SPAG9: variants seen among roughly 807,000 people sequenced by gnomAD.
SPAG9 encodes sperm associated antigen 9.
A neutral mutation model predicts 166.5 loss-of-function variants in SPAG9; 35 were observed. That is an observed-to-expected ratio of 0.21 (90% CI 0.16 to 0.28). SPAG9 has a LOEUF of 0.28. Ranked by LOEUF, SPAG9 falls within the 10% of genes least tolerant of loss-of-function variation. SPAG9 has a pLI of 1.00. For synonymous variants in SPAG9, 534 were observed against 565.5 expected, an observed-to-expected ratio of 0.94 and a Z score of 0.79; for missense variants, 1,235 against 1,603.3, an observed-to-expected ratio of 0.77 and a Z score of 3.92.
chr17:51,116,134 C>A (rs1452706984), intron 1 of SPAG9, among the ~76,000 whole-genome samples: 2 of 152,092 alleles, frequency 1.3e-5, no homozygotes, highest in East Asian at 3.9e-4. Context: ...CAACCTCCAT[C>A]TCCCGGGTTC....
At chr17:50,970,194 C>T in intron 29 of SPAG9, among the ~76,000 whole-genome samples, 1 of 152,154 alleles carries the variant, frequency 6.6e-6, no homozygotes, top group East Asian at 1.9e-4. Flanking sequence ...TTCTAATGCT[C>T]CTTTCAAACA....
At chr17:51,107,477 G>A (rs988738745) in intron 1 of SPAG9, among the ~76,000 whole-genome samples, 10 of 151,820 alleles carry the variant, frequency 6.6e-5, no homozygotes, top group East Asian at 1.9e-4. Flanking sequence ...GGTGGCTCAC[G>A]CCTGTAATCC....
chr17:51,103,576 C>T (rs2048862543), intron 1 of SPAG9, among the ~76,000 whole-genome samples: 1 of 152,126 alleles, frequency 6.6e-6, no homozygotes, highest in Non-Finnish European at 1.5e-5. Context: ...AAGATTGGGG[C>T]AGCCAGATCA....
At chr17:51,103,535 T>A (rs2048861545) in intron 1 of SPAG9, among the ~76,000 whole-genome samples, 1 of 152,330 alleles carries the variant, frequency 6.6e-6, no homozygotes, top group East Asian at 1.9e-4. Flanking sequence ...AAATGTTCAC[T>A]GTGGCTCAAA....
chr17:50,983,638 T>C (rs927821360), intron 24 of SPAG9, among the ~76,000 whole-genome samples: 1 of 152,212 alleles, frequency 6.6e-6, no homozygotes, highest in Non-Finnish European at 1.5e-5. Flanking sequence ...TAAATGCATT[T>C]TACTTGTCTT....
intron 8 of SPAG9, among the ~76,000 whole-genome samples, chr17:51,014,922 G>A (rs1379198313): frequency 1.3e-5 from 2 of 151,888 alleles, no homozygotes; most frequent in Non-Finnish European, 2.9e-5. Context: ...GGGTGTATAG[G>A]GGAATGGGGA....
intron 6 of SPAG9, among the ~76,000 whole-genome samples, chr17:51,030,653 C>T (rs796199389): frequency 7.2e-5 from 11 of 152,208 alleles, no homozygotes; most frequent in African/African-American, 2.6e-4. Context: ...CACTAAAAAC[C>T]TTAACTCTAG....
At chr17:51,084,621 ATGG>A (rs1274203913) in intron 1 of SPAG9, among the ~76,000 whole-genome samples, 1 of 151,992 alleles carries the variant, frequency 6.6e-6, no homozygotes. Flanking sequence ...GTTGGCCAGG[ATGG>A]TCTCGAACTC....
chr17:51,004,224 G>A (rs2045095067), intron 12 of SPAG9, among the ~76,000 whole-genome samples: 1 of 152,156 alleles, frequency 6.6e-6, no homozygotes, highest in South Asian at 2.1e-4. Context: ...GAGGAACACA[G>A]AATAGTTCAA....
chr17:51,077,887 G>A (rs898655182), intron 2 of SPAG9, among the ~76,000 whole-genome samples: 2 of 151,940 alleles, frequency 1.3e-5, no homozygotes, highest in African/African-American at 4.8e-5. Flanking sequence ...CTGAGTTCAA[G>A]CAATCTGCAC....
intron 2 of SPAG9, among the ~76,000 whole-genome samples, chr17:51,075,739 A>G (rs2047951617): frequency 6.6e-6 from 1 of 151,860 alleles, no homozygotes; most frequent in African/African-American, 2.4e-5. Flanking sequence ...TGGGAGGATC[A>G]CTTGAGCCTG....
chr17:51,112,414 T>TAGCTAGGCGCA (rs1568099442), intron 1 of SPAG9, among the ~76,000 whole-genome samples: 1 of 148,148 alleles, frequency 6.8e-6, no homozygotes, highest in Non-Finnish European at 1.5e-5. Context: ...GGCTCACACC[T>TAGCTAGGCGCA]GTAATCCTAG....
chr17:51,037,728 A>AT (rs1010050434), intron 5 of SPAG9, among the ~76,000 whole-genome samples: 4 of 129,032 alleles, frequency 3.1e-5, no homozygotes, highest in African/African-American at 1.1e-4. Flanking sequence ...GTGTATAAAC[A>AT]TTTTTTTAAA....
In SPAG9 at chr17:50,990,436, G is replaced by A. The variant is rs1480073426; in HGVS notation, c.2617+14C>T. On this transcript the variant is annotated intron_variant, in intron 20 of 29. Coordinates refer to ENST00000262013, the MANE Select transcript of SPAG9 (RefSeq NM_001130528.3). ...AGACTCTATACAGATGGCAGGTAAA[G>A]AGAATGGATATACCTGGTGGTTTAT... 4 of 1,587,990 alleles carry A rather than the reference G, an allele frequency of 2.5e-6. No individual in the cohort carries two copies. Among genetic ancestry groups the A allele is most frequent in the Non-Finnish European group, 3.5e-6 (4 of 1,156,268 alleles).
At chr17:50,990,371 T>G in intron 20 of SPAG9, 79 bp downstream of exon 20, 1 of 1,073,130 alleles carries the variant, frequency 9.3e-7, no homozygotes, top group Non-Finnish European at 1.4e-6. Flanking sequence ...TTACTTAAGA[T>G]CTAAATTAAG....
chr17:50,982,787 C>T (rs1038729507), intron 24 of SPAG9, 115 bp from the exon 25 acceptor site: 2 of 926,124 alleles, frequency 2.2e-6, no homozygotes, highest in African/African-American at 1.7e-5. Context: ...CTCAAAGTAC[C>T]ATGTACTAAG....
chr17:51,059,143 A>AATAC (rs1487089401), intron 2 of SPAG9, among the ~76,000 whole-genome samples: 2 of 152,196 alleles, frequency 1.3e-5, no homozygotes, highest in African/African-American at 2.4e-5. Context: ...GAAACAAAAG[A>AATAC]ATACAAAATT....
chr17:51,052,969 G>GA (rs922145883), intron 3 of SPAG9, among the ~76,000 whole-genome samples: 4 of 151,932 alleles, frequency 2.6e-5, no homozygotes, highest in African/African-American at 9.7e-5. Context: ...TGAGGTGGGA[G>GA]AATTACTTGA....
chr17:51,009,427 T>C (rs2045367647), intron 9 of SPAG9, among the ~76,000 whole-genome samples: 1 of 152,182 alleles, frequency 6.6e-6, no homozygotes, highest in African/African-American at 2.4e-5. Context: ...CTGGAGGGTA[T>C]ACAGGACATT....
Sources: gnomAD v4.1 joint callset for allele counts (sites outside exome capture counted in the v4.1 genomes callset) on GRCh38, gnomAD v4.1.1 for gene constraint, MANE v1.5 for transcripts, NCBI Gene and HGNC (gene_info 2026-07-23, HGNC 2026-07-21) for gene names.